TRPM3: variants seen among roughly 807,000 people sequenced by gnomAD.
The protein encoded by TRPM3 is long transient receptor potential channel 3.
Under a neutral mutation model 181.2 loss-of-function variants are expected in TRPM3, and 77 were observed. The ratio of observed to expected loss-of-function variants is 0.42; its 90% CI spans 0.35 to 0.51. The LOEUF (loss-of-function observed/expected upper bound fraction) is 0.51. Ranked by LOEUF, TRPM3 falls within the 20% of genes least tolerant of loss-of-function variation. The pLI, the probability that TRPM3 is intolerant of heterozygous loss-of-function variation, is 0.01. For missense variants in TRPM3, 1,759 were observed against 2,196.7 expected (o/e 0.80, Z 3.98); for synonymous variants, 745 against 796.4 (o/e 0.94, Z 1.09).
chr9:71,032,160 T>C (rs1308942432), intron 1 of TRPM3, among the ~76,000 whole-genome samples: 1 of 96,964 alleles, frequency 1.0e-5, no homozygotes, highest in Non-Finnish European at 2.0e-5. Context: ...CTATATATTA[T>C]ATAATATATT....
intron 1 of TRPM3, among the ~76,000 whole-genome samples, chr9:71,181,851 T>C (rs574399654): frequency 1.1e-4 from 17 of 152,246 alleles, no homozygotes; most frequent in Middle Eastern, 6.8e-3. Context: ...CATGAAGTTA[T>C]CCTCTCAGTG....
intron 9 of TRPM3, among the ~76,000 whole-genome samples, chr9:70,676,524 GTTTA>G (rs928076964): frequency 2.6e-5 from 4 of 152,156 alleles, no homozygotes; most frequent in African/African-American, 9.7e-5. Flanking sequence ...ACACCAAAGA[GTTTA>G]TTAAGTTAAC....
At chr9:70,637,029 A>G (rs1009785400) in intron 11 of TRPM3, among the ~76,000 whole-genome samples, 6 of 152,282 alleles carry the variant, frequency 3.9e-5, no homozygotes, top group Middle Eastern at 3.4e-3. Flanking sequence ...AGACAGGTCT[A>G]TGAAATGCGG....
chr9:71,153,565 G>A (rs1487309312), intron 1 of TRPM3, among the ~76,000 whole-genome samples: 1 of 152,018 alleles, frequency 6.6e-6, no homozygotes, highest in Admixed American at 6.6e-5. Context: ...TTACATGCAC[G>A]AGCCACCACG....
rs537602072 is a variant in TRPM3, at chr9:70,819,847, C to T, written c.973+8000G>A. On this transcript the variant is annotated intron_variant, in intron 6 of 25. Coordinates refer to ENST00000677713, the MANE Select transcript of TRPM3 (RefSeq NM_001366145.2). ...GTGCAATCCAAATAAAGTTTCCATT[C>T]GGCCTAACCTAAAATATAATTCAAA... Among the ~76,000 whole-genome samples the T allele has an allele frequency of 1.4e-3, 209 of 152,240 alleles. 1 individual carries two copies. The highest frequency in any genetic ancestry group is 3.4e-3 in the Middle Eastern group (1 of 294).
chr9:71,394,067 T>G (rs1463361454), intron 1 of TRPM3, among the ~76,000 whole-genome samples: 1 of 152,144 alleles, frequency 6.6e-6, no homozygotes, highest in Non-Finnish European at 1.5e-5. Flanking sequence ...CTCAAAGACA[T>G]GAGAGAAAGC....
intron 1 of TRPM3, among the ~76,000 whole-genome samples, chr9:71,264,890 T>C (rs2083284475): frequency 6.6e-6 from 1 of 152,228 alleles, no homozygotes; most frequent in Non-Finnish European, 1.5e-5. Flanking sequence ...TCCTAAAATA[T>C]ATATTTTAAA....
chr9:70,566,357 C>T (rs931430185), intron 22 of TRPM3, among the ~76,000 whole-genome samples: 1 of 151,976 alleles, frequency 6.6e-6, no homozygotes, highest in East Asian at 1.9e-4. Flanking sequence ...CTTAGAGCTA[C>T]ATCCTGTGAG....
chr9:70,562,860 AT>A (rs1185688586), intron 22 of TRPM3, among the ~76,000 whole-genome samples: 2 of 152,122 alleles, frequency 1.3e-5, no homozygotes, highest in Non-Finnish European at 2.9e-5. Flanking sequence ...AAACTAGCCT[AT>A]TGTACACGCC....
chr9:71,265,409 G>A (rs2083320675), intron 1 of TRPM3, among the ~76,000 whole-genome samples: 1 of 152,178 alleles, frequency 6.6e-6, no homozygotes, highest in Non-Finnish European at 1.5e-5. Context: ...GAACAATACA[G>A]TAATAAGACT....
At position 71,302,124 on chromosome 9, in the gene TRPM3, CT is replaced by C. The variant is rs1286598155; in HGVS notation, c.183+144528del. Reference sequence around the variant, plus strand: ...TTAGTGTCGCAAATCAACACCTACACTGTAGGTTTTTAAATTACTTTCTATG... The same window carrying C: ...TTAGTGTCGCAAATCAACACCTACACGTAGGTTTTTAAATTACTTTCTATG... On this transcript the variant is annotated intron_variant, in intron 1 of 24. Transcript: ENST00000357533. Among the ~76,000 whole-genome samples the C allele has an allele frequency of 4.6e-5, 7 of 152,116 alleles. No individual in the cohort carries two copies. The East Asian group carries it at 1.4e-3, about 29-fold the overall frequency.
intron 1 of TRPM3, among the ~76,000 whole-genome samples, chr9:71,024,121 T>A (rs2097870199): frequency 6.6e-6 from 1 of 152,152 alleles, no homozygotes; most frequent in African/African-American, 2.4e-5. Flanking sequence ...ATACACGAGA[T>A]CTTTTCATAT....
chr9:70,898,970 A>T (rs956404555), intron 1 of TRPM3, among the ~76,000 whole-genome samples: 1 of 152,174 alleles, frequency 6.6e-6, no homozygotes, highest in Non-Finnish European at 1.5e-5. Context: ...GTTTGTTACC[A>T]ATATGAAGCT....
intron 1 of TRPM3, among the ~76,000 whole-genome samples, chr9:71,443,392 T>C (rs1215902398): frequency 6.6e-6 from 1 of 152,164 alleles, no homozygotes; most frequent in Non-Finnish European, 1.5e-5. Flanking sequence ...ACACCCACTA[T>C]TGTGGTCCAG....
chr9:71,413,678 T>C (rs1035113288), intron 1 of TRPM3, among the ~76,000 whole-genome samples: 2 of 152,054 alleles, frequency 1.3e-5, no homozygotes, highest in Admixed American at 1.3e-4. Flanking sequence ...ATTAATGCCC[T>C]TATTTAAAAG....
chr9:71,096,967 T>C (rs1006122287), intron 1 of TRPM3, among the ~76,000 whole-genome samples: 5 of 152,092 alleles, frequency 3.3e-5, no homozygotes, highest in African/African-American at 1.2e-4. Flanking sequence ...TCACCCTGGC[T>C]CAAAATTGCT....
intron 9 of TRPM3, among the ~76,000 whole-genome samples, chr9:70,671,337 G>A (rs1284034457): frequency 6.6e-6 from 1 of 152,112 alleles, no homozygotes; most frequent in Non-Finnish European, 1.5e-5. Context: ...CAGGGACTGT[G>A]GGTAGGAGTG....
At chr9:70,831,139 A>C (rs2093867742) in intron 5 of TRPM3, among the ~76,000 whole-genome samples, 1 of 152,198 alleles carries the variant, frequency 6.6e-6, no homozygotes, top group Non-Finnish European at 1.5e-5. Flanking sequence ...CAAATACCTC[A>C]AAGGAATACA....
rs1265445047 is a variant in TRPM3 at position 70,531,580 on chromosome 9, G to T, written c.*4373C>A. On this transcript the variant is annotated 3_prime_UTR_variant, in exon 26 of 26. Transcript: ENST00000677713. ...ATAGTGAGTTATAATGCAATATCTA[G>T]GCCAAATATATAACCACCTACACAC... 1 of 152,100 alleles carries T rather than the reference G, an allele frequency of 6.6e-6. No individual in the cohort carries two copies. Among genetic ancestry groups the T allele is most frequent in the Non-Finnish European group, 1.5e-5 (1 of 68,032 alleles). 9.4% of individuals were successfully genotyped at this position (152,100 alleles called of 1,614,324 possible).
Sources: allele counts gnomAD v4.1 joint callset (sites outside exome capture counted in the v4.1 genomes callset), GRCh38; gene constraint gnomAD v4.1.1; transcripts MANE v1.5; gene names NCBI Gene and HGNC (gene_info 2026-07-23, HGNC 2026-07-21).